Variants in RAPGEF4 observed in about 807,000 individuals in gnomAD.
RAPGEF4 encodes RAP guanine-nucleotide-exchange factor (GEF) 4.
A neutral mutation model predicts 147.9 loss-of-function variants in RAPGEF4; 66 were observed. That is an observed-to-expected ratio of 0.45 (90% CI 0.37 to 0.55). The LOEUF (loss-of-function observed/expected upper bound fraction) is 0.55, where lower values mean the gene tolerates loss of function less well. RAPGEF4 is among the 20% of genes least tolerant of loss of function. The pLI is 0.00. For missense variants in RAPGEF4, 1,071 were observed against 1,257.3 expected, an observed-to-expected ratio of 0.85 and a Z score of 2.24; for synonymous variants, 419 against 442.7, an observed-to-expected ratio of 0.95 and a Z score of 0.67.
At chr2:173,006,880 G>C (rs1033769496) in intron 17 of RAPGEF4, among the ~76,000 whole-genome samples, 1 of 152,142 alleles carries the variant, frequency 6.6e-6, no homozygotes, top group Non-Finnish European at 1.5e-5. Context: ...ATTCTGAAAA[G>C]TGTTTGATCC....
intron 24 of RAPGEF4, 140 bp from the exon 25 acceptor site, chr2:173,026,941 A>C: frequency 1.2e-6 from 1 of 857,182 alleles, no homozygotes; most frequent in Non-Finnish European, 1.7e-6. Context: ...TTATATATTT[A>C]ACAAACCTCA....
intron 27 of RAPGEF4, 49 bp downstream of exon 27, chr2:173,034,013 A>G (rs1455501453): frequency 2.6e-6 from 4 of 1,525,412 alleles, no homozygotes; most frequent in African/African-American, 2.8e-5. Context: ...CATTAATCCA[A>G]TTTCTGATTA....
intron 4 of RAPGEF4, among the ~76,000 whole-genome samples, chr2:172,838,247 C>T (rs535673008): frequency 7.9e-5 from 12 of 152,148 alleles, no homozygotes; most frequent in Admixed American, 3.3e-4. Context: ...GATATCATGA[C>T]GTGAAAGAAT....
chr2:173,010,939 G>A (rs3769231), intron 17 of RAPGEF4, among the ~76,000 whole-genome samples: 8,737 of 152,148 alleles, frequency 0.057, 337 homozygotes, highest in East Asian at 0.1. Context: ...ATCCATGAGG[G>A]GACAAATGAG....
intron 4 of RAPGEF4, chr2:172,822,111 G>C: frequency 9.2e-7 from 1 of 1,088,564 alleles, no homozygotes; most frequent in Non-Finnish European, 1.3e-6. Flanking sequence ...ACCCAAATAT[G>C]TACCATGGCA....
chr2:172,884,611 A>G (rs1696979174), intron 4 of RAPGEF4, among the ~76,000 whole-genome samples: 1 of 152,124 alleles, frequency 6.6e-6, no homozygotes, highest in Non-Finnish European at 1.5e-5. Context: ...CATCCCTACC[A>G]TACCCTCTGA....
At chr2:172,753,628 A>T (rs910587004) in intron 1 of RAPGEF4, among the ~76,000 whole-genome samples, 2 of 152,088 alleles carry the variant, frequency 1.3e-5, no homozygotes, top group Non-Finnish European at 2.9e-5. Context: ...ATTTCATAGG[A>T]TTGATATTGT....
At chr2:172,852,449 G>C (rs559986025) in intron 4 of RAPGEF4, among the ~76,000 whole-genome samples, 1 of 152,130 alleles carries the variant, frequency 6.6e-6, no homozygotes, top group East Asian at 1.9e-4. Context: ...ACTTGTATCA[G>C]GTAGAGTTTT....
intron 19 of RAPGEF4, among the ~76,000 whole-genome samples, chr2:173,016,908 T>G (rs1270905521): frequency 6.6e-6 from 1 of 152,162 alleles, no homozygotes; most frequent in Admixed American, 6.5e-5. Context: ...AGAGAGTGAG[T>G]GTGCTGCTAG....
intron 4 of RAPGEF4, among the ~76,000 whole-genome samples, chr2:172,841,419 C>T (rs1691581676): frequency 6.6e-6 from 1 of 152,156 alleles, no homozygotes; most frequent in Non-Finnish European, 1.5e-5. Flanking sequence ...GATCCATGAG[C>T]CAAACAAACC....
At chr2:172,814,782 C>T (rs775372050) in intron 4 of RAPGEF4, 1 of 303,016 alleles carries the variant, frequency 3.3e-6, no homozygotes, top group Non-Finnish European at 6.5e-6. Context: ...TAAAAATCAT[C>T]ATTGACATGT....
At chr2:172,994,059 CTAGTAGAAT>C (rs1360049914) in intron 15 of RAPGEF4, among the ~76,000 whole-genome samples, 2 of 152,158 alleles carry the variant, frequency 1.3e-5, no homozygotes, top group African/African-American at 4.8e-5. Context: ...AGCCAACCTT[CTAGTAGAAT>C]TAAACTTTTG....
chr2:172,992,173 A>C (rs1394060969), intron 15 of RAPGEF4, among the ~76,000 whole-genome samples: 1 of 152,250 alleles, frequency 6.6e-6, no homozygotes, highest in Non-Finnish European at 1.5e-5. Flanking sequence ...CCATATCGAA[A>C]GAACTGACAT....
At chr2:172,965,375 G>A in intron 8 of RAPGEF4, 187 bp from the exon 9 acceptor site, 1 of 673,872 alleles carries the variant, frequency 1.5e-6, no homozygotes, top group Non-Finnish European at 2.6e-6. Context: ...TGAGCTGAGT[G>A]GCTTTTTTGG....
intron 6 of RAPGEF4, among the ~76,000 whole-genome samples, chr2:172,947,064 G>C (rs1687746629): frequency 1.3e-5 from 2 of 152,150 alleles, no homozygotes; most frequent in South Asian, 4.1e-4. Context: ...CATTCAGCTT[G>C]TACCTCCAGA....
chr2:172,757,651 C>A (rs1239422998), intron 1 of RAPGEF4, among the ~76,000 whole-genome samples: 2 of 152,124 alleles, frequency 1.3e-5, no homozygotes, highest in African/African-American at 4.8e-5. Context: ...GGGTATTTCT[C>A]CTCTGAATTA....
intron 17 of RAPGEF4, among the ~76,000 whole-genome samples, chr2:173,004,740 C>A (rs1312868777): frequency 6.6e-6 from 1 of 151,938 alleles, no homozygotes; most frequent in Non-Finnish European, 1.5e-5. Flanking sequence ...TGGCATCTCA[C>A]CACCATTAAT....
At chr2:172,854,449 T>C (rs992330354) in intron 4 of RAPGEF4, among the ~76,000 whole-genome samples, 12 of 152,028 alleles carry the variant, frequency 7.9e-5, no homozygotes, top group Admixed American at 6.6e-4. Flanking sequence ...AAGCTTTTAT[T>C]TTCTAACTAT....
In RAPGEF4 at chr2:173,027,096, C is replaced by T. The variant is rs1696739613; in HGVS notation, c.2395C>T (p.His799Tyr). The T allele has an allele frequency of 6.3e-7, 1 of 1,596,334 alleles. No individual in the cohort carries two copies. Among genetic ancestry groups the T allele is most frequent in the African/African-American group, 1.4e-5 (1 of 73,698 alleles). Residue 799 changes from histidine (H) to tyrosine (Y), a missense_variant, in exon 25 of 31, where the codon CAC becomes TAC. His to Tyr is a moderately conservative substitution (Grantham distance 83, BLOSUM62 2). Transcript: ENST00000397081. ...NCVHELELIY[H>Y]TFGRHNFKKT... ...TATTTTCTAGCTGGAGCTAATCTAT[C>T]ACACATTTGGAAGGCATAATTTTAA...
Sources: gnomAD v4.1 joint callset for allele counts (sites outside exome capture counted in the v4.1 genomes callset) on GRCh38, gnomAD v4.1.1 for gene constraint, MANE v1.5 for transcripts, NCBI Gene and HGNC (gene_info 2026-07-23, HGNC 2026-07-21) for gene names.